CDH15: variants seen among roughly 807,000 people sequenced by gnomAD.
CDH15 encodes cadherin-15.
CDH15 carries 73 observed loss-of-function variants against 69.4 expected under a neutral mutation model. The observed-to-expected ratio is 1.05, with a 90% CI of 0.87 to 1.28. The LOEUF (loss-of-function observed/expected upper bound fraction) is 1.28, where lower values mean the gene tolerates loss of function less well. Ranked by LOEUF, CDH15 falls within the 50% of genes most tolerant of loss-of-function variation. The probability of loss-of-function intolerance (pLI) is 0.00; values close to 1 mark genes in which losing one functional copy is unlikely to be tolerated. For missense variants in CDH15, 1,343 were observed against 1,133.6 expected (o/e 1.18, Z -2.65); for synonymous variants, 624 against 507.7 (o/e 1.23, Z -3.08).
chr16:89,174,834 G>T (rs1339144667), intron 1 of CDH15, among the ~76,000 whole-genome samples: 2 of 152,150 alleles, frequency 1.3e-5, no homozygotes, highest in African/African-American at 2.4e-5. Flanking sequence ...ACCTCCCAGG[G>T]TGCTTGCGTC....
chr16:89,180,159 G>A lies in CDH15; in HGVS notation c.202-41G>A, dbSNP rs140391710. The A allele has an allele frequency of 5.0e-4, 797 of 1,605,938 alleles. 16 individuals carry two copies. In the East Asian group the frequency reaches 0.015, roughly 29 times the overall value. On this transcript the variant is annotated intron_variant, in intron 2 of 13. Coordinates refer to ENST00000289746, the MANE Select transcript of CDH15 (RefSeq NM_004933.3). ...GGCTGCAGAGAGGGCAGAGGCCCCC[G>A]CCCGGAGCAGCTCTCCCCAAACCCA...
At chr16:89,178,231 G>A (rs1915298632) in intron 1 of CDH15, among the ~76,000 whole-genome samples, 1 of 152,128 alleles carries the variant, frequency 6.6e-6, no homozygotes, top group Non-Finnish European at 1.5e-5. Flanking sequence ...CCTCCACTTT[G>A]GGGTCTTTAC....
In CDH15 at chr16:89,193,597, G is replaced by A. The variant is rs781178794; in HGVS notation, c.1983G>A (p.Glu661=). Residue 661 remains glutamate, a synonymous_variant, in exon 12 of 14, where the codon GAG becomes GAA. Transcript: ENST00000289746. The part of the protein sequence containing the change: ...VLNYDEQGGG[E]EDQDAYDISQ... ...ACTACGATGAGCAAGGAGGCGGGGA[G>A]GAGGACCAGGTGAGGGGGCAGGTGT... is the stretch of plus-strand genomic sequence containing the variant. 1.0e-5 allele frequency: 16 copies of A among 1,598,684 alleles called. No homozygotes were observed. Among genetic ancestry groups the A allele is most frequent in the African/African-American group, 4.0e-5 (3 of 74,722 alleles).
chr16:89,185,723 C>G (rs1402821879), intron 5 of CDH15: 1 of 333,820 alleles, frequency 3.0e-6, no homozygotes, highest in African/African-American at 2.1e-5. Context: ...GTCAGCTCCT[C>G]TAGGAAGCCC....
chr16:89,191,505 C>T (rs755283538), intron 9 of CDH15, 33 bp downstream of exon 9: 1 of 1,609,360 alleles, frequency 6.2e-7, no homozygotes, highest in South Asian at 1.1e-5. Flanking sequence ...GGCTCCCTGA[C>T]CTGGCCTTGT....
intron 7 of CDH15, 110 bp from the exon 8 acceptor site, chr16:89,190,133 G>A (rs1437141998): frequency 7.6e-7 from 1 of 1,308,304 alleles, no homozygotes. Flanking sequence ...GGGGCAGAAG[G>A]AAAGTACAGG....
In CDH15 at chr16:89,191,678, G is replaced by T; in HGVS notation, c.1399G>T (p.Gly467Cys). Residue 467 changes from glycine (G) to cysteine (C), a missense_variant, in exon 10 of 14, where the codon GGC (glycine) becomes TGC (cysteine). By Grantham distance (159) the Gly-to-Cys change is radical. Coordinates refer to ENST00000289746, the MANE Select transcript of CDH15 (RefSeq NM_004933.3). Reference protein sequence around the residue: ...DDASQPRTATGTLSIEILEVN... With the variant: ...DDASQPRTATCTLSIEILEVN... ...AGCCTCCCAGCCCCGCACCGCCACC[G>T]GCACCCTGTCCATCGAGATCCTGGA... 1.3e-6 allele frequency: 2 copies of T among 1,597,208 alleles called. No individual in the cohort carries two copies. Among genetic ancestry groups the T allele is most frequent in the Non-Finnish European group, 1.7e-6 (2 of 1,176,482 alleles).
chr16:89,178,018 C>G (rs1915295441), intron 1 of CDH15, among the ~76,000 whole-genome samples: 3 of 152,238 alleles, frequency 2.0e-5, no homozygotes, highest in South Asian at 4.1e-4. Flanking sequence ...AGGCTAGGAG[C>G]TGGGTACGGT....
intron 8 of CDH15, among the ~76,000 whole-genome samples, 169 bp from the exon 9 acceptor site, chr16:89,191,161 G>T (rs555024732): frequency 6.6e-6 from 1 of 152,142 alleles, no homozygotes; most frequent in Non-Finnish European, 1.5e-5. Context: ...CATGCATGTG[G>T]CATGTAAGGC....
intron 10 of CDH15, 89 bp from the exon 11 acceptor site, chr16:89,192,108 AGGATCTCG>A: frequency 7.1e-7 from 1 of 1,412,614 alleles, no homozygotes; most frequent in Non-Finnish European, 9.3e-7. Flanking sequence ...ACCCAGGCCC[AGGATCTCG>A]GGATCCCCAC....
At chr16:89,175,533 C>G (rs1567769886) in intron 1 of CDH15, among the ~76,000 whole-genome samples, 1 of 152,172 alleles carries the variant, frequency 6.6e-6, no homozygotes, top group Non-Finnish European at 1.5e-5. Flanking sequence ...AAGGGACCAC[C>G]ACAGGCTCCC....
At position 89,193,455 on chromosome 16, in the gene CDH15, C is replaced by A. The variant is rs1915705520; in HGVS notation, c.1856-15C>A. 5.0e-6 allele frequency: 8 copies of A among 1,600,278 alleles called. No individual in the cohort carries two copies. In the African/African-American group the frequency reaches 6.7e-5, roughly 13 times the overall value. On this transcript the variant is annotated splice_polypyrimidine_tract_variant and intron_variant, in intron 11 of 13. Coordinates refer to ENST00000289746, the MANE Select transcript of CDH15 (RefSeq NM_004933.3). ...CCCTGTGCCTGGCCCCAGCCTGCGT[C>A]CCCTCATTCCCCAGTGCTGGTCCTG...
chr16:89,192,461 C>A lies in CDH15; in HGVS notation c.1855+17C>A, dbSNP rs1158479866. On this transcript the variant is annotated intron_variant, in intron 11 of 13. Transcript: ENST00000289746. ...TGCTGCTGGGTGAGTGAGCGCCCCG[C>A]CTCCACCTGGACCCTCGGACCCTCG... The A allele has an allele frequency of 1.3e-6, 2 of 1,563,770 alleles. No homozygotes were observed. The highest frequency in any genetic ancestry group is 1.7e-6 in the Non-Finnish European group (2 of 1,162,654).
intron 10 of CDH15, 74 bp from the exon 11 acceptor site, chr16:89,192,131 T>C: frequency 6.8e-7 from 1 of 1,463,904 alleles, no homozygotes; most frequent in East Asian, 2.5e-5. Context: ...CCCCACCCTG[T>C]CTCGGCGCGA....
At position 89,180,374 on chromosome 16, in the gene CDH15, G is replaced by A. The variant is rs767586241; in HGVS notation, c.357+19G>A. The A allele has an allele frequency of 1.1e-4, 169 of 1,607,902 alleles. 1 individual carries two copies. The highest frequency in any genetic ancestry group is 1.3e-4 in the Non-Finnish European group (152 of 1,177,604). On this transcript the variant is annotated intron_variant, in intron 3 of 13. Coordinates refer to ENST00000289746, the MANE Select transcript of CDH15 (RefSeq NM_004933.3). The stretch of plus-strand genomic sequence containing the variant: ...CTTCAGGGTGCGGAGCTGCGTGGTC[G>A]GACCTGTGCCCCTCAAGCAGGCCTG...
At chr16:89,182,839 T>C (rs1296782371) in intron 3 of CDH15, 1 of 152,106 alleles carries the variant, frequency 6.6e-6, no homozygotes. Flanking sequence ...TTGTGCCCAT[T>C]CTCCGAAAGG....
rs1915776944 is a variant in CDH15 at position 89,195,208 on chromosome 16, C to T, written c.*53C>T. 2.0e-6 allele frequency: 3 copies of T among 1,496,112 alleles called. No homozygotes were observed. Among genetic ancestry groups the T allele is most frequent in the Middle Eastern group, 2.4e-4 (1 of 4,084 alleles). 92.7% of individuals were successfully genotyped at this position (1,496,112 alleles called of 1,614,324 possible). A position where few individuals can be genotyped will look rare whatever the true frequency, so the allele number is the denominator to read the frequency against. On this transcript the variant is annotated 3_prime_UTR_variant, in exon 14 of 14. Transcript: ENST00000289746. ...CCCCGGCCTCGTGGCAGTGATGGCC[C>T]CTGCAGAGGCAGCCTGAGGTCACCG...
intron 7 of CDH15, among the ~76,000 whole-genome samples, chr16:89,189,600 T>C (rs28504541): frequency 0.43 from 65,525 of 152,138 alleles, 14,575 homozygotes; most frequent in East Asian, 0.75. Flanking sequence ...CTCCACCACT[T>C]TGCTCTGTCC....
chr16:89,173,606 C>G (rs938230686), intron 1 of CDH15, among the ~76,000 whole-genome samples: 2 of 152,214 alleles, frequency 1.3e-5, no homozygotes, highest in African/African-American at 4.8e-5. Context: ...AGGACCCTGC[C>G]TGCCCCTCCC....
Sources: gnomAD v4.1 joint callset for allele counts (sites outside exome capture counted in the v4.1 genomes callset) on GRCh38, gnomAD v4.1.1 for gene constraint, MANE v1.5 for transcripts, NCBI Gene and HGNC (gene_info 2026-07-23, HGNC 2026-07-21) for gene names.